PKNOX2: variants seen among roughly 807,000 people sequenced by gnomAD.
PKNOX2 encodes the protein PBX/knotted 1 homeobox 2.
In PKNOX2, 14 loss-of-function variants were observed where a neutral mutation model predicts 53.1. The observed-to-expected ratio is 0.26, with a 90% CI of 0.17 to 0.41. The LOEUF is 0.41. PKNOX2 is among the 10% of genes least tolerant of loss of function. PKNOX2 has a pLI of 1.00. For synonymous variants in PKNOX2, 257 were observed against 242.8 expected, an observed-to-expected ratio of 1.06 and a Z score of -0.54; for missense variants, 496 against 602.8, an observed-to-expected ratio of 0.82 and a Z score of 1.85.
intron 4 of PKNOX2, among the ~76,000 whole-genome samples, chr11:125,364,331 A>G (rs1952074143): frequency 6.6e-6 from 1 of 152,254 alleles, no homozygotes; most frequent in African/African-American, 2.4e-5. Context: ...TCCTCAGACC[A>G]GCTCTGCTGT....
intron 2 of PKNOX2, among the ~76,000 whole-genome samples, chr11:125,311,374 G>A (rs971042877): frequency 3.3e-5 from 5 of 152,072 alleles, no homozygotes; most frequent in African/African-American, 7.2e-5. Flanking sequence ...TAGATACTGC[G>A]AGCGATACAA....
chr11:125,349,648 TC>T (rs1199665014), intron 3 of PKNOX2, among the ~76,000 whole-genome samples: 4 of 151,702 alleles, frequency 2.6e-5, no homozygotes, highest in African/African-American at 9.8e-5. Context: ...TAGCCATGCC[TC>T]ATTCATCTGT....
At position 125,308,030 on chromosome 11, in the gene PKNOX2, A is replaced by G. The variant is rs535170590; in HGVS notation, c.-129-23789A>G. Reference sequence around the variant, plus strand: ...GGAGAGGAGGGAAAACATTTGAGACAGAGAAGGCAGTGTGGGCAAAGGCAC... The same window carrying G: ...GGAGAGGAGGGAAAACATTTGAGACGGAGAAGGCAGTGTGGGCAAAGGCAC... On this transcript the variant is annotated intron_variant, in intron 2 of 12. Coordinates refer to ENST00000298282, the MANE Select transcript of PKNOX2 (RefSeq NM_001382323.2). Among the ~76,000 whole-genome samples, 4 of 152,358 alleles carry G rather than the reference A, an allele frequency of 2.6e-5. No individual in the cohort carries two copies. In the South Asian group the frequency reaches 6.2e-4, roughly 24 times the overall value.
intron 2 of PKNOX2, among the ~76,000 whole-genome samples, chr11:125,309,413 G>A (rs1434927120): frequency 3.0e-5 from 4 of 133,182 alleles, no homozygotes; most frequent in Non-Finnish European, 6.3e-5. Context: ...TTTTAGAGAA[G>A]TCTCACTCTT....
chr11:125,314,523 C>A (rs1301589263), intron 2 of PKNOX2, among the ~76,000 whole-genome samples: 1 of 152,158 alleles, frequency 6.6e-6, no homozygotes, highest in Non-Finnish European at 1.5e-5. Flanking sequence ...GTGTGCTCTG[C>A]ATGTCAGGGG....
At chr11:125,357,632 G>A (rs564008025) in intron 4 of PKNOX2, among the ~76,000 whole-genome samples, 8 of 152,106 alleles carry the variant, frequency 5.3e-5, no homozygotes, top group Admixed American at 1.3e-4. Flanking sequence ...CCTGCCTTTC[G>A]CACGCCGTTG....
chr11:125,406,935 A>G (rs1313762739), intron 7 of PKNOX2, among the ~76,000 whole-genome samples: 1 of 150,080 alleles, frequency 6.7e-6, no homozygotes, highest in Non-Finnish European at 1.5e-5. Flanking sequence ...AAAAAAAAAA[A>G]AAAAAAAAAA....
intron 1 of PKNOX2, among the ~76,000 whole-genome samples, chr11:125,187,312 T>C (rs991056576): frequency 2.0e-5 from 3 of 152,206 alleles, no homozygotes; most frequent in African/African-American, 4.8e-5. Context: ...TGTATTGACA[T>C]CTAAGCAATA....
chr11:125,198,806 G>A (rs537901204), intron 1 of PKNOX2, among the ~76,000 whole-genome samples: 20 of 148,694 alleles, frequency 1.3e-4, no homozygotes, highest in South Asian at 6.5e-4. Flanking sequence ...CTCCTGATCC[G>A]CCTCCTCCTC....
rs1283920129 is a variant in PKNOX2 at position 125,370,749 on chromosome 11, A to T, written c.227+2764A>T. Among the ~76,000 whole-genome samples the T allele has an allele frequency of 6.6e-6, 1 of 152,130 alleles. No homozygotes were observed. Among genetic ancestry groups the T allele is most frequent in the Admixed American group, 6.5e-5 (1 of 15,276 alleles). On this transcript the variant is annotated intron_variant, in intron 5 of 12. Transcript: ENST00000298282. The surrounding 1 kb of genome is among the most constrained non-coding windows in gnomAD (Gnocchi z 4.1). ...ATTGCCCCGGGATGACCAGGGAGGGAGCTCAGCCTCCTGTAGGGTCGGGTA... is the reference window on the plus strand; with the variant it reads ...ATTGCCCCGGGATGACCAGGGAGGGTGCTCAGCCTCCTGTAGGGTCGGGTA...
chr11:125,429,351 C>A (rs919191840), intron 11 of PKNOX2, among the ~76,000 whole-genome samples: 8 of 152,322 alleles, frequency 5.3e-5, no homozygotes, highest in Non-Finnish European at 1.2e-4. Context: ...GAAGAGAAAA[C>A]CCACGCCCAC....
In PKNOX2 at chr11:125,431,778, AGGCCTTTGCCCGGG is replaced by A. The variant is rs1263090536; in HGVS notation, c.*390_*403del. On this transcript the variant is annotated 3_prime_UTR_variant, in exon 13 of 13. Transcript: ENST00000298282. ...GGCAGATTGGTGCTGTTCGCAGAGT[AGGCCTTTGCCCGGG>A]GGCAGACTTAGAAGGAAGGGGAGAG... 5.2e-6 allele frequency: 1 copy of A among 191,280 alleles called. No homozygotes were observed. The highest frequency in any genetic ancestry group is 1.1e-5 in the Non-Finnish European group (1 of 92,486). The allele number at this position is 191,280 out of a possible 1,614,324, so 11.8% of individuals were successfully genotyped here.
intron 1 of PKNOX2, among the ~76,000 whole-genome samples, chr11:125,228,818 CT>C (rs1941946430): frequency 6.6e-6 from 1 of 152,260 alleles, no homozygotes; most frequent in East Asian, 1.9e-4. Context: ...GGCCATTACC[CT>C]TTTTTGCCAA....
At chr11:125,286,658 G>A (rs1591513050) in intron 2 of PKNOX2, among the ~76,000 whole-genome samples, 1 of 152,214 alleles carries the variant, frequency 6.6e-6, no homozygotes, top group Non-Finnish European at 1.5e-5. Flanking sequence ...CAGCTGTGTA[G>A]CCTGCTGGGC....
At chr11:125,251,880 T>C (rs1944031237) in intron 2 of PKNOX2, among the ~76,000 whole-genome samples, 1 of 151,970 alleles carries the variant, frequency 6.6e-6, no homozygotes, top group Non-Finnish European at 1.5e-5. Context: ...AGTTTTTTTT[T>C]TTAGTTCATA....
At chr11:125,208,825 G>A (rs932215593) in intron 1 of PKNOX2, among the ~76,000 whole-genome samples, 6 of 152,054 alleles carry the variant, frequency 3.9e-5, no homozygotes, top group Non-Finnish European at 7.4e-5. Context: ...TTCAGGGAGC[G>A]AGAGGGGACG....
intron 5 of PKNOX2, among the ~76,000 whole-genome samples, chr11:125,376,378 G>T (rs1024420859): frequency 6.6e-6 from 1 of 152,142 alleles, no homozygotes; most frequent in Admixed American, 6.5e-5. Flanking sequence ...CCGCTGGCTC[G>T]CTCCCACCCC....
chr11:125,365,881 G>GA (rs1952163154), intron 4 of PKNOX2, among the ~76,000 whole-genome samples: 1 of 152,212 alleles, frequency 6.6e-6, no homozygotes, highest in Non-Finnish European at 1.5e-5. Context: ...TGAGCTTTCT[G>GA]ATAGCAATCT....
At chr11:125,305,983 C>T (rs965846191) in intron 2 of PKNOX2, among the ~76,000 whole-genome samples, 8 of 152,144 alleles carry the variant, frequency 5.3e-5, no homozygotes, top group Non-Finnish European at 1.2e-4. Flanking sequence ...TACTGCCATT[C>T]CCCAGATTGT....
Sources: gnomAD v4.1 joint callset for allele counts (sites outside exome capture counted in the v4.1 genomes callset) on GRCh38, gnomAD v4.1.1 for gene constraint, Gnocchi (gnomAD v3.1) non-coding constraint, MANE v1.5 for transcripts, NCBI Gene and HGNC (gene_info 2026-07-23, HGNC 2026-07-21) for gene names.